The following ABHD18 variants were observed in gnomAD, a reference collection of about 807,000 sequenced individuals.
ABHD18 encodes cardiolipin-specific deacylase, mitochondrial.
ABHD18 carries 55 observed loss-of-function variants against 65.9 expected under a neutral mutation model. That is an observed-to-expected ratio of 0.84 (90% CI 0.67 to 1.05). The LOEUF is 1.05. Among genes scored for constraint, ABHD18 ranks in the 50% least tolerant of loss-of-function variants. The pLI is 0.00. For synonymous variants in ABHD18, 181 were observed against 180.2 expected (o/e 1.00, Z -0.04); for missense variants, 533 against 558.5 (o/e 0.95, Z 0.46).
intron 12 of ABHD18, among the ~76,000 whole-genome samples, chr4:128,033,492 T>C (rs17315466): frequency 0.35 from 52,215 of 150,278 alleles, 10,213 homozygotes; most frequent in Middle Eastern, 0.46. Flanking sequence ...GAAATAATAA[T>C]CTATTAGCAG....
At chr4:128,031,683 A>G (rs1579483448) in intron 12 of ABHD18, among the ~76,000 whole-genome samples, 1 of 152,330 alleles carries the variant, frequency 6.6e-6, no homozygotes, top group East Asian at 1.9e-4. Context: ...AGCTCTTGTT[A>G]ACGGAGGAAA....
At chr4:128,020,655 A>T (rs11931319) in intron 9 of ABHD18, among the ~76,000 whole-genome samples, 4,454 of 152,252 alleles carry the variant, frequency 0.029, 204 homozygotes, top group African/African-American at 0.1. Context: ...TCATTTAGGA[A>T]AAGTTTTATA....
intron 1 of ABHD18, among the ~76,000 whole-genome samples, chr4:127,970,672 T>G (rs1471756176): frequency 6.6e-6 from 1 of 151,862 alleles, no homozygotes; most frequent in African/African-American, 2.4e-5. Context: ...CTGGGTGCAG[T>G]TGCTCATGCC....
chr4:128,011,334 G>A (rs954024986), intron 6 of ABHD18, among the ~76,000 whole-genome samples: 18 of 152,074 alleles, frequency 1.2e-4, no homozygotes, highest in East Asian at 7.7e-4. Context: ...ATTTTTAGTA[G>A]TGATGGGGTT....
chr4:128,029,546 G>A (rs1022015765), intron 11 of ABHD18, among the ~76,000 whole-genome samples: 3 of 152,022 alleles, frequency 2.0e-5, no homozygotes, highest in African/African-American at 7.2e-5. Context: ...CTGGGTGGCC[G>A]GGCCCAGTGG....
At chr4:128,001,854 T>A in intron 4 of ABHD18, 1 of 1,322,736 alleles carries the variant, frequency 7.6e-7, no homozygotes, top group Non-Finnish European at 1.0e-6. Flanking sequence ...TTGTTTTTTT[T>A]TTTAATTCCT....
intron 10 of ABHD18, among the ~76,000 whole-genome samples, chr4:128,023,148 C>A (rs1756792271): frequency 6.6e-6 from 1 of 152,090 alleles, no homozygotes; most frequent in South Asian, 2.1e-4. Flanking sequence ...AGAAATCTTT[C>A]TACTATGAAT....
intron 7 of ABHD18, among the ~76,000 whole-genome samples, chr4:128,013,977 C>CTTTTT (rs61303818): frequency 2.9e-4 from 33 of 115,112 alleles, no homozygotes; most frequent in Middle Eastern, 5.7e-3. Context: ...GAATTTCCAC[C>CTTTTT]TTTTTTTTTT....
intron 10 of ABHD18, among the ~76,000 whole-genome samples, chr4:128,026,458 CAAAA>C (rs1196814395): frequency 3.9e-5 from 4 of 102,156 alleles, no homozygotes; most frequent in Non-Finnish European, 2.1e-5. Context: ...GACTCCACCT[CAAAA>C]AAAAAAAAAA....
intron 1 of ABHD18, among the ~76,000 whole-genome samples, chr4:127,972,946 T>A (rs566463686): frequency 1.3e-5 from 2 of 152,134 alleles, no homozygotes; most frequent in African/African-American, 2.4e-5. Flanking sequence ...GACAAAGGTG[T>A]TAAGTGAATG....
intron 6 of ABHD18, chr4:128,009,640 AAAC>A (rs1754197126): frequency 6.5e-6 from 1 of 154,834 alleles, no homozygotes; most frequent in African/African-American, 2.4e-5. Context: ...TGTAGAGTTA[AAAC>A]AACAATGATC....
intron 7 of ABHD18, 118 bp from the exon 8 acceptor site, chr4:128,017,245 C>T: frequency 1.1e-6 from 1 of 950,144 alleles, no homozygotes; most frequent in Non-Finnish European, 1.6e-6. Flanking sequence ...CATTGTTTTA[C>T]TTAACTATCT....
At chr4:128,008,225 G>A (rs958693964) in intron 4 of ABHD18, among the ~76,000 whole-genome samples, 10 of 143,344 alleles carry the variant, frequency 7.0e-5, no homozygotes, top group East Asian at 4.6e-4. Flanking sequence ...TCATGCCACC[G>A]CCCTCTAGCC....
rs570630788 is a variant in ABHD18, at chr4:127,966,684, C to G, written c.-18+1078C>G. On this transcript the variant is annotated intron_variant, in intron 1 of 12. Coordinates refer to ENST00000645843, the MANE Select transcript of ABHD18 (RefSeq NM_001358451.3). Reference sequence around the variant, plus strand: ...CCATCCTGGCTAACACGGTGAAACCCCGTCTCTACTAAAAATACAAAAAAA... The same window carrying G: ...CCATCCTGGCTAACACGGTGAAACCGCGTCTCTACTAAAAATACAAAAAAA... Among the ~76,000 whole-genome samples, 87 of 108,672 alleles carry G rather than the reference C, an allele frequency of 8.0e-4. 2 individuals are homozygous for G. The highest frequency in any genetic ancestry group is 2.7e-3 in the African/African-American group (79 of 29,132). 71.3% of individuals were successfully genotyped at this position (108,672 alleles called of 152,430 possible).
At chr4:128,009,936 A>G (rs1754253476) in intron 6 of ABHD18, among the ~76,000 whole-genome samples, 1 of 152,222 alleles carries the variant, frequency 6.6e-6, no homozygotes, top group African/African-American at 2.4e-5. Flanking sequence ...AGAAATAGTT[A>G]TGTAAACTGT....
intron 7 of ABHD18, among the ~76,000 whole-genome samples, chr4:128,012,498 A>G (rs1276208592): frequency 2.6e-5 from 4 of 152,186 alleles, no homozygotes; most frequent in Non-Finnish European, 5.9e-5. Flanking sequence ...ACATTTTCTC[A>G]TAAAGTTCAT....
intron 7 of ABHD18, among the ~76,000 whole-genome samples, chr4:128,014,221 G>A (rs936990166): frequency 6.8e-4 from 104 of 152,038 alleles, no homozygotes; most frequent in African/African-American, 2.4e-3. Flanking sequence ...GACCTCAGGT[G>A]ATCCTCCCGC....
At chr4:127,982,487 T>C (rs1335369242) in intron 1 of ABHD18, among the ~76,000 whole-genome samples, 2 of 152,192 alleles carry the variant, frequency 1.3e-5, no homozygotes, top group Non-Finnish European at 2.9e-5. Context: ...CTGTGTGACC[T>C]TGGGTAAATT....
At chr4:128,032,893 G>A (rs192869912) in intron 12 of ABHD18, among the ~76,000 whole-genome samples, 1 of 152,248 alleles carries the variant, frequency 6.6e-6, no homozygotes, top group East Asian at 1.9e-4. Context: ...TTGGCACCAG[G>A]AAGTAAACAA....
Sources: allele counts gnomAD v4.1 joint callset (sites outside exome capture counted in the v4.1 genomes callset), GRCh38; gene constraint gnomAD v4.1.1; transcripts MANE v1.5; gene names NCBI Gene and HGNC (gene_info 2026-07-23, HGNC 2026-07-21).